The following KDM4C variants were observed in gnomAD, a reference collection of about 807,000 sequenced individuals.
The protein encoded by KDM4C is lysine-specific demethylase 4C.
In KDM4C, 81 loss-of-function variants were observed where a neutral mutation model predicts 129.3. The observed-to-expected ratio is 0.63, with a 90% confidence interval of 0.52 to 0.75. The LOEUF (loss-of-function observed/expected upper bound fraction) is 0.75. KDM4C is among the 30% of genes least tolerant of loss of function. KDM4C has a pLI of 0.00. For missense variants in KDM4C, 1,457 were observed against 1,304.0 expected (o/e 1.12, Z -1.81); for synonymous variants, 573 against 456.1 (o/e 1.26, Z -3.26).
intron 17 of KDM4C, among the ~76,000 whole-genome samples, chr9:7,090,057 A>G (rs891010853): frequency 6.6e-6 from 1 of 152,098 alleles, no homozygotes; most frequent in Non-Finnish European, 1.5e-5. Flanking sequence ...TTGCTGTCCA[A>G]TGCTTGAAAC....
At chr9:6,909,586 T>C (rs571362776) in intron 8 of KDM4C, among the ~76,000 whole-genome samples, 2 of 152,244 alleles carry the variant, frequency 1.3e-5, no homozygotes, top group Admixed American at 6.5e-5. Context: ...TCCAAAATTA[T>C]AGAATACTCT....
intron 8 of KDM4C, among the ~76,000 whole-genome samples, chr9:6,950,982 T>A (rs148885083): frequency 1.5e-3 from 228 of 152,326 alleles, no homozygotes; most frequent in African/African-American, 5.2e-3. Flanking sequence ...TTCTTTGCCA[T>A]CTCTGAAGGG....
At chr9:6,824,686 T>G (rs1833596073) in intron 4 of KDM4C, among the ~76,000 whole-genome samples, 1 of 151,632 alleles carries the variant, frequency 6.6e-6, no homozygotes, top group Non-Finnish European at 1.5e-5. Flanking sequence ...TTTAATTCAT[T>G]AAAACAGTCC....
intron 17 of KDM4C, among the ~76,000 whole-genome samples, chr9:7,056,547 T>C (rs1830897794): frequency 6.6e-6 from 1 of 152,202 alleles, no homozygotes; most frequent in Non-Finnish European, 1.5e-5. Flanking sequence ...TAGATGTCTA[T>C]AGGAGAAAAT....
chr9:7,048,280 G>A (rs112374825), intron 16 of KDM4C, among the ~76,000 whole-genome samples: 3 of 152,004 alleles, frequency 2.0e-5, no homozygotes, highest in Admixed American at 2.0e-4. Flanking sequence ...TGCCCTGGTG[G>A]GATCGATACT....
intron 8 of KDM4C, among the ~76,000 whole-genome samples, chr9:6,918,015 A>T (rs11793452): frequency 0.41 from 61,620 of 151,874 alleles, 12,849 homozygotes; most frequent in South Asian, 0.56. Context: ...TTCTCTTTTT[A>T]AAAAATATAA....
chr9:6,806,675 T>A (rs991466865), intron 3 of KDM4C, among the ~76,000 whole-genome samples: 3 of 152,128 alleles, frequency 2.0e-5, no homozygotes, highest in Non-Finnish European at 4.4e-5. Context: ...TAATTGTGGC[T>A]GGAAGATTCT....
Position 6,926,392 on chromosome 9 carries a change from G to A in KDM4C, c.921+33160G>A, listed in dbSNP as rs866197402. Among the ~76,000 whole-genome samples, 3 of 132,906 alleles carry A rather than the reference G, an allele frequency of 2.3e-5. No homozygotes were observed. In the Middle Eastern group the frequency reaches 0.012, roughly 549 times the overall value. 87.2% of individuals were successfully genotyped at this position (132,906 alleles called of 152,430 possible). On this transcript the variant is annotated intron_variant, in intron 8 of 21. Coordinates refer to ENST00000381309, the MANE Select transcript of KDM4C (RefSeq NM_015061.6). ...AAAATGAATGAAAGGGACACATGAG[G>A]TGAAAAGTGGAATCTTTGTTCTGTG...
At chr9:7,012,264 C>T (rs992532260) in intron 13 of KDM4C, among the ~76,000 whole-genome samples, 5 of 152,018 alleles carry the variant, frequency 3.3e-5, no homozygotes, top group African/African-American at 9.7e-5. Context: ...ATTTTTGTAG[C>T]GACTGGGTCT....
At chr9:7,085,239 C>A (rs1834977006) in intron 17 of KDM4C, among the ~76,000 whole-genome samples, 1 of 152,182 alleles carries the variant, frequency 6.6e-6, no homozygotes, top group African/African-American at 2.4e-5. Flanking sequence ...TGGCTCAGGG[C>A]CATTGTTGTG....
At chr9:7,057,804 C>T (rs1225734463) in intron 17 of KDM4C, among the ~76,000 whole-genome samples, 1 of 152,180 alleles carries the variant, frequency 6.6e-6, no homozygotes. Flanking sequence ...TCTGAGATTC[C>T]ACCAACTTCC....
At chr9:6,756,621 G>A (rs550495192), upstream of KDM4C, among the ~76,000 whole-genome samples, 2 of 152,340 alleles carry the variant, frequency 1.3e-5, no homozygotes, top group Admixed American at 1.3e-4. Context: ...GGAGGCTGAG[G>A]CAGGAGAATC....
chr9:6,926,103 C>A (rs112995064), intron 8 of KDM4C, among the ~76,000 whole-genome samples: 2 of 151,960 alleles, frequency 1.3e-5, no homozygotes, highest in South Asian at 2.1e-4. Context: ...AAGTCAAGCC[C>A]CTTTAGATGG....
intron 17 of KDM4C, among the ~76,000 whole-genome samples, chr9:7,085,094 AC>A (rs1834959102): frequency 6.6e-6 from 1 of 152,170 alleles, no homozygotes; most frequent in African/African-American, 2.4e-5. Flanking sequence ...GTATTCGAGG[AC>A]CCTGAGGTGG....
intron 17 of KDM4C, among the ~76,000 whole-genome samples, chr9:7,070,547 G>A (rs1833051873): frequency 6.6e-6 from 1 of 151,948 alleles, no homozygotes; most frequent in Non-Finnish European, 1.5e-5. Flanking sequence ...GAGAACATAA[G>A]GCTTATTTAA....
In KDM4C at chr9:7,154,109, T is replaced by C. The variant is rs760301356; in HGVS notation, c.2782-11129T>C. ...GAAGGGAGTGTCTGGCAGTGTTCAG[T>C]GACTGTGATGTCAGGCCAGCTCAGC... On this transcript the variant is annotated intron_variant, in intron 19 of 21. Transcript: ENST00000381309. Among the ~76,000 whole-genome samples, 12 of 152,166 alleles carry C rather than the reference T, an allele frequency of 7.9e-5. 1 individual carries two copies. The highest frequency in any genetic ancestry group is 1.3e-4 in the Non-Finnish European group (9 of 68,006).
At chr9:7,164,152 A>C (rs1273018876) in intron 19 of KDM4C, among the ~76,000 whole-genome samples, 1 of 152,218 alleles carries the variant, frequency 6.6e-6, no homozygotes, top group Non-Finnish European at 1.5e-5. Context: ...GATTGTCCTC[A>C]TCAGTAAAAT....
intron 9 of KDM4C, 121 bp from the exon 10 acceptor site, chr9:6,984,045 A>G: frequency 1.6e-6 from 1 of 639,446 alleles, no homozygotes; most frequent in East Asian, 2.7e-5. Flanking sequence ...GACTTGGCAT[A>G]GTGATTAACA....
chr9:7,067,408 A>G (rs1367706124), intron 17 of KDM4C, among the ~76,000 whole-genome samples: 1 of 152,232 alleles, frequency 6.6e-6, no homozygotes, highest in Non-Finnish European at 1.5e-5. Flanking sequence ...GGGGAAAGCA[A>G]ACGAGCAAGC....
Sources: gnomAD v4.1 joint callset for allele counts (sites outside exome capture counted in the v4.1 genomes callset) on GRCh38, gnomAD v4.1.1 for gene constraint, MANE v1.5 for transcripts, NCBI Gene and HGNC (gene_info 2026-07-23, HGNC 2026-07-21) for gene names.